The following ZNF536 variants were observed in gnomAD, a reference collection of about 807,000 sequenced individuals.
ZNF536 encodes the protein zinc finger protein 536.
A neutral mutation model predicts 84.5 loss-of-function variants in ZNF536; 13 were observed. The ratio of observed to expected loss-of-function variants is 0.15; its 90% CI spans 0.10 to 0.24. ZNF536 has a LOEUF of 0.24. Ranked by LOEUF, ZNF536 falls within the 10% of genes least tolerant of loss-of-function variation. The pLI is 1.00. For missense variants in ZNF536, 1,536 were observed against 1,747.5 expected, an observed-to-expected ratio of 0.88 and a Z score of 2.16; for synonymous variants, 811 against 742.5, an observed-to-expected ratio of 1.09 and a Z score of -1.50.
rs1425765403 is a variant in ZNF536 at position 30,384,222 on chromosome 19, CCCTCCCTCCCTT to C, written c.-3+11670_-3+11681del. On this transcript the variant is annotated intron_variant, in intron 1 of 4. Transcript: ENST00000355537. ...TTCCTTCCATCCTCCCTCCCTCCCTCCCTCCCTCCCTTCCTTCTTTCCTCCCTCCCTCCCTTT... is the reference window on the plus strand; with the variant it reads ...TTCCTTCCATCCTCCCTCCCTCCCTCCCTTCTTTCCTCCCTCCCTCCCTTT... Among the ~76,000 whole-genome samples the C allele has an allele frequency of 2.7e-3, 140 of 51,416 alleles. 5 individuals carry two copies. Among genetic ancestry groups the C allele is most frequent in the African/African-American group, 0.014 (129 of 8,982 alleles). The allele number at this position is 51,416 out of a possible 152,430, so 33.7% of individuals were successfully genotyped here. A position where few individuals can be genotyped will look rare whatever the true frequency, so the allele number is the denominator to read the frequency against.
chr19:30,565,793 G>C (rs56220659), intron 1 of ZNF536, among the ~76,000 whole-genome samples: 1 of 152,030 alleles, frequency 6.6e-6, no homozygotes, highest in African/African-American at 2.4e-5. Context: ...ACTCCAGGGG[G>C]CCCCTCTGAG....
intron 2 of ZNF536, among the ~76,000 whole-genome samples, chr19:30,491,261 A>G (rs2054498155): frequency 6.6e-6 from 1 of 152,174 alleles, no homozygotes; most frequent in Non-Finnish European, 1.5e-5. Flanking sequence ...TTCTGGGGAC[A>G]TTGTTCCTTT....
At chr19:30,485,714 C>G (rs531066939) in intron 2 of ZNF536, among the ~76,000 whole-genome samples, 1 of 151,192 alleles carries the variant, frequency 6.6e-6, no homozygotes, top group Non-Finnish European at 1.5e-5. Flanking sequence ...GGGGAAACAT[C>G]TTTTCTTTGT....
At chr19:30,418,017 G>A (rs2050805018) in intron 1 of ZNF536, among the ~76,000 whole-genome samples, 1 of 151,988 alleles carries the variant, frequency 6.6e-6, no homozygotes, top group Non-Finnish European at 1.5e-5. Flanking sequence ...CCTTAGTGTT[G>A]GGAGTACAAG....
intron 1 of ZNF536, among the ~76,000 whole-genome samples, chr19:30,387,830 C>A (rs553038810): frequency 6.6e-6 from 1 of 152,246 alleles, no homozygotes; most frequent in South Asian, 2.1e-4. Flanking sequence ...AAAGCCCAGC[C>A]TAGAGAGGGG....
At chr19:30,408,960 C>T (rs1049000884) in intron 1 of ZNF536, among the ~76,000 whole-genome samples, 1 of 150,818 alleles carries the variant, frequency 6.6e-6, no homozygotes, top group African/African-American at 2.4e-5. Context: ...CATCTATCCA[C>T]CCACAAATCC....
At chr19:30,329,890 G>T (rs2146371077) in intron 2 of ZNF536, among the ~76,000 whole-genome samples, 1 of 152,238 alleles carries the variant, frequency 6.6e-6, no homozygotes, top group South Asian at 2.1e-4. Flanking sequence ...GAATTGATTT[G>T]GGAATTATTG....
intron 1 of ZNF536, among the ~76,000 whole-genome samples, chr19:30,415,116 CCTT>C (rs2050657410): frequency 2.0e-5 from 3 of 148,364 alleles, no homozygotes; most frequent in African/African-American, 7.5e-5. Context: ...TCCTCCTTCT[CCTT>C]CTTCTCCTCC....
At chr19:30,275,174 G>C (rs183216283) in intron 1 of ZNF536, among the ~76,000 whole-genome samples, 56 of 152,262 alleles carry the variant, frequency 3.7e-4, no homozygotes, top group Middle Eastern at 3.4e-3. Flanking sequence ...CATGGCCTCT[G>C]GGGGAGCTGG....
At chr19:30,231,137 A>G (rs1438619562) in intron 1 of ZNF536, among the ~76,000 whole-genome samples, 3 of 152,234 alleles carry the variant, frequency 2.0e-5, no homozygotes, top group African/African-American at 7.2e-5. Flanking sequence ...TGTTCTCAAC[A>G]TTATTTAAAG....
intron 2 of ZNF536, among the ~76,000 whole-genome samples, chr19:30,321,023 G>T (rs958422282): frequency 1.3e-5 from 2 of 152,190 alleles, no homozygotes; most frequent in Non-Finnish European, 2.9e-5. Flanking sequence ...ACAGAAAAAT[G>T]CATCTCACCA....
intron 1 of ZNF536, among the ~76,000 whole-genome samples, chr19:30,614,170 T>C (rs1313771116): frequency 6.6e-6 from 1 of 152,160 alleles, no homozygotes; most frequent in Non-Finnish European, 1.5e-5. Flanking sequence ...GCCCTGTTGG[T>C]TTTTCATCTG....
Position 30,548,901 on chromosome 19 carries a change from T to C in ZNF536, c.3282T>C (p.Gly1094=), listed in dbSNP as rs2146224934. ...AGACTCTGGGAGAGCAGAAGAGCGG[T>C]GCATGGACCGGCCACGTGGACCCTG... is the stretch of plus-strand genomic sequence containing the variant. ...LKETLGEQKS[G]AWTGHVDPAF... is the part of the protein sequence containing the mutation. Residue 1094 remains glycine, a synonymous_variant, in exon 4 of 5, where the codon GGT becomes GGC. Transcript: ENST00000355537. 3.7e-6 allele frequency: 6 copies of C among 1,614,084 alleles called. No homozygotes were observed. Among genetic ancestry groups the C allele is most frequent in the Non-Finnish European group, 5.1e-6 (6 of 1,180,028 alleles).
chr19:30,561,590 G>A (rs908973120), downstream of ZNF536, among the ~76,000 whole-genome samples: 3 of 152,306 alleles, frequency 2.0e-5, no homozygotes, highest in South Asian at 2.1e-4. Flanking sequence ...AAATCAACAA[G>A]CACAGGTGCA....
intron 1 of ZNF536, among the ~76,000 whole-genome samples, chr19:30,702,068 C>T (rs1290796681): frequency 1.3e-5 from 2 of 152,180 alleles, no homozygotes; most frequent in Non-Finnish European, 2.9e-5. Flanking sequence ...GACGCAGCCC[C>T]CTCTCTTCCA....
At chr19:30,387,599 G>C (rs1408612101) in intron 1 of ZNF536, among the ~76,000 whole-genome samples, 1 of 152,246 alleles carries the variant, frequency 6.6e-6, no homozygotes, top group Non-Finnish European at 1.5e-5. Context: ...CATAAGCCAT[G>C]ACTCTCGAAG....
chr19:30,519,764 C>A (rs1362580987), intron 2 of ZNF536, among the ~76,000 whole-genome samples: 2 of 152,222 alleles, frequency 1.3e-5, no homozygotes, highest in African/African-American at 4.8e-5. Context: ...TTCATTCATT[C>A]ATTCGGCTGG....
At chr19:30,397,966 G>T (rs2049889481) in intron 1 of ZNF536, among the ~76,000 whole-genome samples, 1 of 152,210 alleles carries the variant, frequency 6.6e-6, no homozygotes, top group African/African-American at 2.4e-5. Flanking sequence ...AATAGCCCAT[G>T]ATTTTAAACA....
chr19:30,656,657 C>T (rs1298039460), intron 1 of ZNF536, among the ~76,000 whole-genome samples: 1 of 152,218 alleles, frequency 6.6e-6, no homozygotes, highest in Non-Finnish European at 1.5e-5. Context: ...TGGTCTGTGA[C>T]ACCTCACTGT....
Sources: gnomAD v4.1 joint callset for allele counts (sites outside exome capture counted in the v4.1 genomes callset) on GRCh38, gnomAD v4.1.1 for gene constraint, MANE v1.5 for transcripts, NCBI Gene and HGNC (gene_info 2026-07-23, HGNC 2026-07-21) for gene names.